SCN8A: variants seen among roughly 807,000 people sequenced by gnomAD.
SCN8A encodes sodium voltage-gated channel alpha subunit 8, also known as sodium channel protein type 8 subunit alpha.
Under a neutral mutation model 184.1 loss-of-function variants are expected in SCN8A, and 30 were observed. That is an observed-to-expected ratio of 0.16 (90% CI 0.12 to 0.22). SCN8A has a LOEUF of 0.22. Among genes scored for constraint, SCN8A ranks in the 10% least tolerant of loss-of-function variants. SCN8A has a pLI of 1.00. For missense variants in SCN8A, 1,057 were observed against 2,498.9 expected (o/e 0.42, Z 12.30); for synonymous variants, 852 against 907.0 (o/e 0.94, Z 1.09).
intron 1 of SCN8A, among the ~76,000 whole-genome samples, chr12:51,639,878 G>GTTTTTTTT: frequency 5.3e-5 from 1 of 18,788 alleles, no homozygotes; most frequent in African/African-American, 1.6e-4. Context: ...TAAGGTATAT[G>GTTTTTTTT]CTTTTTTTTT....
intron 12 of SCN8A, among the ~76,000 whole-genome samples, chr12:51,742,059 C>T (rs1942435616): frequency 6.6e-6 from 1 of 152,134 alleles, no homozygotes; most frequent in African/African-American, 2.4e-5. Flanking sequence ...AACAAACATG[C>T]AAAAAGAAAA....
intron 19 of SCN8A, among the ~76,000 whole-genome samples, chr12:51,773,736 A>G (rs1942965638): frequency 6.6e-6 from 1 of 152,238 alleles, no homozygotes; most frequent in Non-Finnish European, 1.5e-5. Context: ...AATAGAAACA[A>G]TACACATGTC....
At position 51,794,485 on chromosome 12, in the gene SCN8A, A is replaced by T; in HGVS notation, c.4639A>T (p.Ser1547Cys). The T allele has an allele frequency of 6.2e-7, 1 of 1,614,036 alleles. No individual in the cohort carries two copies. Among genetic ancestry groups the T allele is most frequent in the Non-Finnish European group, 8.5e-7 (1 of 1,179,900 alleles). Residue 1547 changes from serine (S) to cysteine (C), a missense_variant, in exon 26 of 27, where the codon AGC (serine) becomes TGC (cysteine). Physicochemically the swap from Ser to Cys is moderately radical, Grantham distance 112. Coordinates refer to ENST00000627620, the MANE Select transcript of SCN8A (RefSeq NM_001330260.2). ...AATGATGGTGGAGACAGACACTCAAAGCAAGCAGATGGAGAACATCCTCTA... is the reference window on the plus strand; with the variant it reads ...AATGATGGTGGAGACAGACACTCAATGCAAGCAGATGGAGAACATCCTCTA... Reference protein sequence around the residue: ...VTMMVETDTQSKQMENILYWI... With the variant: ...VTMMVETDTQCKQMENILYWI...
At chr12:51,788,612 T>C in intron 22 of SCN8A, 83 bp from the exon 23 acceptor site, 1 of 1,070,676 alleles carries the variant, frequency 9.3e-7, no homozygotes, top group Non-Finnish European at 1.3e-6. Context: ...TCACTGAACC[T>C]AAGCCTGGCC....
chr12:51,691,236 T>C (rs1211731390), intron 6 of SCN8A, among the ~76,000 whole-genome samples: 1 of 152,136 alleles, frequency 6.6e-6, no homozygotes, highest in Admixed American at 6.5e-5. Flanking sequence ...AAAACTTCTC[T>C]CCCAGAATTA....
At chr12:51,661,837 C>T (rs1471206885) in intron 1 of SCN8A, among the ~76,000 whole-genome samples, 7 of 152,210 alleles carry the variant, frequency 4.6e-5, no homozygotes, top group African/African-American at 1.7e-4. Flanking sequence ...TAATCCAGGA[C>T]TCTTATAAAC....
intron 25 of SCN8A, among the ~76,000 whole-genome samples, chr12:51,790,901 C>T (rs1938232195): frequency 6.6e-6 from 1 of 152,182 alleles, no homozygotes; most frequent in Non-Finnish European, 1.5e-5. Context: ...ATAAGGATGT[C>T]TTTGCAGGAT....
intron 25 of SCN8A, among the ~76,000 whole-genome samples, chr12:51,793,345 A>G (rs1238864392): frequency 6.6e-6 from 1 of 152,068 alleles, no homozygotes; most frequent in East Asian, 1.9e-4. Flanking sequence ...GATGAGAGGA[A>G]CAAGCTGGGT....
chr12:51,607,974 G>T (rs1452106211), intron 1 of SCN8A, among the ~76,000 whole-genome samples: 2 of 150,524 alleles, frequency 1.3e-5, no homozygotes, highest in Non-Finnish European at 3.0e-5. Flanking sequence ...TTCTTTCTCT[G>T]TCTTGAGGAA....
chr12:51,648,084 A>G (rs899738045), intron 1 of SCN8A, among the ~76,000 whole-genome samples: 5 of 152,204 alleles, frequency 3.3e-5, no homozygotes, highest in African/African-American at 1.2e-4. Context: ...CCACTGACTC[A>G]TGGGAGGCCA....
At chr12:51,775,709 C>T (rs1452080061) in intron 20 of SCN8A, among the ~76,000 whole-genome samples, 1 of 152,194 alleles carries the variant, frequency 6.6e-6, no homozygotes, top group Admixed American at 6.5e-5. Context: ...GGCCAGTTCT[C>T]TTTCTGGAGA....
chr12:51,689,195 A>G (rs1174237605), intron 6 of SCN8A, 99 bp downstream of exon 6: 3 of 880,264 alleles, frequency 3.4e-6, no homozygotes, highest in Non-Finnish European at 5.3e-6. Context: ...ACAGTTGATA[A>G]TGGCCTTGCA....
intron 6 of SCN8A, among the ~76,000 whole-genome samples, chr12:51,699,004 C>T (rs1423379144): frequency 6.6e-6 from 1 of 152,184 alleles, no homozygotes; most frequent in Non-Finnish European, 1.5e-5. Context: ...ACTATAGATA[C>T]AGCTGTGAAC....
chr12:51,718,704 T>C (rs1433836058), intron 11 of SCN8A, among the ~76,000 whole-genome samples: 2 of 151,516 alleles, frequency 1.3e-5, no homozygotes, highest in African/African-American at 4.8e-5. Context: ...TATATTTAAA[T>C]CATGTGATAA....
intron 16 of SCN8A, among the ~76,000 whole-genome samples, chr12:51,767,343 C>G (rs537030234): frequency 2.6e-4 from 39 of 152,328 alleles, no homozygotes; most frequent in African/African-American, 8.2e-4. Context: ...ACCACTACCC[C>G]CTGATGACAC....
intron 1 of SCN8A, among the ~76,000 whole-genome samples, chr12:51,651,827 T>C (rs1940721024): frequency 6.6e-6 from 1 of 152,212 alleles, no homozygotes. Context: ...GCTCCTAGGA[T>C]TGCAGTTATC....
intron 26 of SCN8A, among the ~76,000 whole-genome samples, chr12:51,805,761 G>A (rs1257499898): frequency 1.3e-5 from 2 of 151,858 alleles, no homozygotes; most frequent in African/African-American, 2.4e-5. Context: ...AGACAAATGT[G>A]TGTGTTAGTT....
intron 26 of SCN8A, among the ~76,000 whole-genome samples, chr12:51,796,001 C>G (rs777469652): frequency 3.8e-4 from 58 of 151,994 alleles, no homozygotes; most frequent in Non-Finnish European, 5.9e-5. Flanking sequence ...GAGCTGAGAT[C>G]ACGCCATTAC....
intron 13 of SCN8A, among the ~76,000 whole-genome samples, chr12:51,747,751 G>C (rs1023995282): frequency 6.6e-6 from 1 of 152,002 alleles, no homozygotes; most frequent in African/African-American, 2.4e-5. Flanking sequence ...TACTGAGTTG[G>C]ATACAAACCA....
Sources: gnomAD v4.1 joint callset for allele counts (sites outside exome capture counted in the v4.1 genomes callset) on GRCh38, gnomAD v4.1.1 for gene constraint, MANE v1.5 for transcripts, NCBI Gene and HGNC (gene_info 2026-07-23, HGNC 2026-07-21) for gene names.